Variants in PFKFB2 observed in about 807,000 individuals in gnomAD.
The protein encoded by PFKFB2 is 6-phosphofructo-2-kinase/fructose-2,6-biphosphatase 2, also known as 6-phosphofructo-2-kinase/fructose-2,6-bisphosphatase 2.
Under a neutral mutation model 68.0 loss-of-function variants are expected in PFKFB2, and 53 were observed. The ratio of observed to expected loss-of-function variants is 0.78; its 90% confidence interval spans 0.63 to 0.98. The LOEUF (loss-of-function observed/expected upper bound fraction) is 0.98, where lower values mean the gene tolerates loss of function less well. PFKFB2 is among the 50% of genes least tolerant of loss of function. PFKFB2 has a pLI of 0.00. For missense variants in PFKFB2, 451 were observed against 642.0 expected (o/e 0.70, Z 3.22); for synonymous variants, 222 against 227.6 (o/e 0.98, Z 0.22).
Position 207,065,018 on chromosome 1 carries a change from T to C in PFKFB2, c.508-18T>C, listed in dbSNP as rs1558061854. 6 of 1,613,294 alleles carry C rather than the reference T, an allele frequency of 3.7e-6. No homozygotes were observed. Among genetic ancestry groups the C allele is most frequent in the Non-Finnish European group, 5.1e-6 (6 of 1,179,558 alleles). Reference sequence around the variant, plus strand: ...GGCAGACCTCTGATGAGGCCTTTACTGGTTCCTATGATTTCAGGAGGTTAA... The same window carrying C: ...GGCAGACCTCTGATGAGGCCTTTACCGGTTCCTATGATTTCAGGAGGTTAA... On this transcript the variant is annotated intron_variant, in intron 7 of 14. Transcript: ENST00000367080.
At chr1:207,059,364 A>G (rs958407957) in intron 2 of PFKFB2, among the ~76,000 whole-genome samples, 1 of 152,168 alleles carries the variant, frequency 6.6e-6, no homozygotes, top group Non-Finnish European at 1.5e-5. Context: ...TAATGAGCCA[A>G]ATCATGGGGG....
chr1:207,035,670 CAAACAAAAA>C (rs1241785834), intron 1 of PFKFB2, among the ~76,000 whole-genome samples: 2 of 148,844 alleles, frequency 1.3e-5, no homozygotes, highest in South Asian at 2.1e-4. Context: ...AACAAACAAA[CAAACAAAAA>C]AAACAAAAAA....
intron 2 of PFKFB2, among the ~76,000 whole-genome samples, chr1:207,061,415 A>G (rs892980413): frequency 7.3e-5 from 11 of 151,536 alleles, no homozygotes; most frequent in African/African-American, 2.7e-4. Context: ...TGTGGGAAAG[A>G]CGTATCTTGG....
At position 207,074,465 on chromosome 1, in the gene PFKFB2, G is replaced by A. The variant is rs1683565225; in HGVS notation, c.*2094G>A. ...AGCTGGGGATTTTAAGCACCCTGGA[G>A]AGAGGTGCAGACCCTGCCAGGATGA... On this transcript the variant is annotated 3_prime_UTR_variant, in exon 15 of 15. Transcript: ENST00000367080. 1 of 985,418 alleles carries A rather than the reference G, an allele frequency of 1.0e-6. No homozygotes were observed. The highest frequency in any genetic ancestry group is 1.1e-4 in the East Asian group (1 of 8,810). The allele number at this position is 985,418 out of a possible 1,614,324, so 61.0% of individuals were successfully genotyped here.
At position 207,076,149 on chromosome 1, in the gene PFKFB2, A is replaced by G; in HGVS notation, c.*3778A>G. 1 of 985,330 alleles carries G rather than the reference A, an allele frequency of 1.0e-6. No homozygotes were observed. The highest frequency in any genetic ancestry group is 1.2e-6 in the Non-Finnish European group (1 of 829,868). The allele number at this position is 985,330 out of a possible 1,614,324, so 61.0% of individuals were successfully genotyped here. On this transcript the variant is annotated 3_prime_UTR_variant, in exon 15 of 15. Coordinates refer to ENST00000367080, the MANE Select transcript of PFKFB2 (RefSeq NM_006212.2). ...AGTATTCCATATGAGGATCTGGGTA[A>G]TCCTCTTTGCAACCCACATTTGGTC...
At chr1:207,038,490 T>C (rs1430564288) in intron 1 of PFKFB2, among the ~76,000 whole-genome samples, 1 of 152,216 alleles carries the variant, frequency 6.6e-6, no homozygotes, top group Non-Finnish European at 1.5e-5. Flanking sequence ...GTCTGAAAAA[T>C]ATTTCATTTC....
At chr1:207,066,597 G>A (rs1207268278) in intron 8 of PFKFB2, among the ~76,000 whole-genome samples, 3 of 152,140 alleles carry the variant, frequency 2.0e-5, no homozygotes, top group Non-Finnish European at 2.9e-5. Flanking sequence ...GTAGGGTGAT[G>A]CGTGATTTGC....
downstream of PFKFB2, chr1:207,080,974 A>C (rs1387124328): frequency 6.6e-6 from 1 of 152,158 alleles, no homozygotes; most frequent in African/African-American, 2.4e-5. Context: ...TATGCGAGTA[A>C]TATGTATTGC....
chr1:207,054,916 G>C, intron 2 of PFKFB2, 114 bp downstream of exon 2: 1 of 722,584 alleles, frequency 1.4e-6, no homozygotes, highest in Admixed American at 2.5e-5. Flanking sequence ...ATTTGACATG[G>C]AAATTTAATG....
chr1:207,042,575 A>AAAAAAAAAAAC (rs1450494574), intron 2 of PFKFB2, among the ~76,000 whole-genome samples: 1 of 144,070 alleles, frequency 6.9e-6, no homozygotes, highest in South Asian at 2.2e-4. Context: ...AAAAAAAAAA[A>AAAAAAAAAAAC]AAAAAAGACT....
rs117981509 is a variant in PFKFB2 at position 207,072,860 on chromosome 1, C to T, written c.*489C>T. ...CTCCTTACTTGACTGCTTTCTTCCC[C>T]CACTTTCATGTCCCCTCTGGATTGT... On this transcript the variant is annotated 3_prime_UTR_variant, in exon 15 of 15. Coordinates refer to ENST00000367080, the MANE Select transcript of PFKFB2 (RefSeq NM_006212.2). 8.1e-4 allele frequency: 797 copies of T among 989,956 alleles called. 6 individuals carry two copies. In the East Asian group the frequency reaches 0.025, roughly 32 times the overall value. 61.3% of individuals were successfully genotyped at this position (989,956 alleles called of 1,614,324 possible).
chr1:207,061,121 A>ATATATCTTTATATATATCTT lies in PFKFB2; in HGVS notation c.86-827_86-826insCTTTATATATATCTTTATAT, dbSNP rs1558059559. ...TCTTTATATATATCTATATATCTTTATATATATCTTTATATATATCTTTAT... is the reference window on the plus strand; with the variant it reads ...TCTTTATATATATCTATATATCTTTATATATCTTTATATATATCTTTATATATCTTTATATATATCTTTAT... On this transcript the variant is annotated intron_variant, in intron 2 of 14. Transcript: ENST00000367080. Among the ~76,000 whole-genome samples, 652 of 87,574 alleles carry ATATATCTTTATATATATCTT rather than the reference A, an allele frequency of 7.4e-3. 69 individuals carry two copies. Among genetic ancestry groups the ATATATCTTTATATATATCTT allele is most frequent in the African/African-American group, 0.027 (606 of 22,634 alleles). The allele number at this position is 87,574 out of a possible 152,430, so 57.5% of individuals were successfully genotyped here.
At chr1:207,062,233 G>A (rs370306581) in intron 3 of PFKFB2, among the ~76,000 whole-genome samples, 155 bp downstream of exon 3, 84 of 152,326 alleles carry the variant, frequency 5.5e-4, no homozygotes, top group African/African-American at 1.9e-3. Context: ...TCTATTCCCA[G>A]ACTTGTCTCC....
chr1:207,060,542 A>G (rs1272078267), intron 2 of PFKFB2, among the ~76,000 whole-genome samples: 1 of 152,306 alleles, frequency 6.6e-6, no homozygotes, highest in African/African-American at 2.4e-5. Flanking sequence ...ATTCTGGCTT[A>G]AAGAGGAGCT....
chr1:207,069,501 G>C lies in PFKFB2; in HGVS notation c.1065G>C (p.Lys355Asn). The C allele has an allele frequency of 6.2e-7, 1 of 1,613,198 alleles. No homozygotes were observed. The highest frequency in any genetic ancestry group is 8.5e-7 in the Non-Finnish European group (1 of 1,179,140). ...AGTTTGCACTTCGAGATCAAGAGAA[G>C]TATCTGTATCGATATCCTGGTGGGG... is the stretch of plus-strand genomic sequence containing the variant. The part of the protein sequence containing the change: ...PEEFALRDQE[K>N]YLYRYPGGES... Residue 355 changes from lysine (K) to asparagine (N), a missense_variant, in exon 11 of 15, where the codon AAG (lysine) becomes AAC (asparagine). Transcript: ENST00000367080.
Position 207,073,329 on chromosome 1 carries a change from C to T in PFKFB2, c.*958C>T, listed in dbSNP as rs979211256. On this transcript the variant is annotated 3_prime_UTR_variant, in exon 15 of 15. Transcript: ENST00000367080. The stretch of plus-strand genomic sequence containing the variant: ...GTCATGTCTTTTCTCCCATGACTCT[C>T]AGGTTCTTTGCCAATCACAGCAACT... 2 of 985,334 alleles carry T rather than the reference C, an allele frequency of 2.0e-6. No homozygotes were observed. The highest frequency in any genetic ancestry group is 2.4e-6 in the Non-Finnish European group (2 of 829,962). 61.0% of individuals were successfully genotyped at this position (985,334 alleles called of 1,614,324 possible). A position where few individuals can be genotyped will look rare whatever the true frequency, so the allele number is the denominator to read the frequency against.
At chr1:207,049,231 T>C, upstream of PFKFB2, 1 of 1,614,122 alleles carries the variant, frequency 6.2e-7, no homozygotes, top group East Asian at 2.2e-5. Context: ...AGGAGGTGTA[T>C]CTGGATCAGG....
intron 13 of PFKFB2, 61 bp downstream of exon 13, chr1:207,071,311 G>C: frequency 7.0e-7 from 1 of 1,437,428 alleles, no homozygotes; most frequent in East Asian, 2.3e-5. Context: ...AATTTTCTCT[G>C]AAGTTTGTCT....
intron 8 of PFKFB2, among the ~76,000 whole-genome samples, chr1:207,065,650 C>G (rs902303227): frequency 1.1e-4 from 16 of 152,154 alleles, no homozygotes; most frequent in Non-Finnish European, 2.1e-4. Context: ...CTGCGCCTGG[C>G]TGGAAGTGTT....
Sources: allele counts gnomAD v4.1 joint callset (sites outside exome capture counted in the v4.1 genomes callset), GRCh38; gene constraint gnomAD v4.1.1; transcripts MANE v1.5; gene names NCBI Gene and HGNC (gene_info 2026-07-23, HGNC 2026-07-21).